Variants in GPC3 observed in about 807,000 individuals in gnomAD.
GPC3 encodes the protein glypican 3, also known as glypican-3.
GPC3 carries 3 observed loss-of-function variants against 34.4 expected under a neutral mutation model. The ratio of observed to expected loss-of-function variants is 0.09; its 90% CI spans 0.04 to 0.23. GPC3 has a LOEUF of 0.23. Among genes scored for constraint, GPC3 ranks in the 10% least tolerant of loss-of-function variants. The pLI, the probability that GPC3 is intolerant of heterozygous loss-of-function variation, is 1.00. For synonymous variants in GPC3, 177 were observed against 174.0 expected (o/e 1.02, Z -0.13); for missense variants, 351 against 445.6 (o/e 0.79, Z 1.91).
chrX:133,676,369 T>A lies in GPC3; in HGVS notation c.1293-14519A>T, dbSNP rs2070884188. Among the ~76,000 whole-genome samples, 3 of 112,475 alleles carry A rather than the reference T, an allele frequency of 2.7e-5. No homozygotes were observed. In the South Asian group the frequency reaches 1.1e-3, roughly 42 times the overall value. ...TGGAAGTGCATGGCCATGGTGGGCA[T>A]GGGCAGAGACACTGGCACAGGGGAA... is the stretch of plus-strand genomic sequence containing the variant. On this transcript the variant is annotated intron_variant, in intron 5 of 7. Transcript: ENST00000370818.
chrX:133,917,376 C>T (rs746878797), intron 2 of GPC3, among the ~76,000 whole-genome samples: 2 of 112,034 alleles, frequency 1.8e-5, no homozygotes, highest in Non-Finnish European at 3.8e-5. Context: ...ATTAGACATA[C>T]TTGATCCCAA....
rs533472747 is a variant in GPC3 at position 133,536,766 on chromosome X, G to T, written c.1574-473C>A. Among the ~76,000 whole-genome samples the T allele has an allele frequency of 2.3e-4, 26 of 111,300 alleles. No homozygotes were observed. In the South Asian group the frequency reaches 0.01, roughly 43 times the overall value. On this transcript the variant is annotated intron_variant, in intron 7 of 7. Coordinates refer to ENST00000370818, the MANE Select transcript of GPC3 (RefSeq NM_004484.4). ...GGGGAGGGGGTGCTGTGGGTTCCCAGTGTACGTTTCTTAGGCCCTGCACCT... is the reference window on the plus strand; with the variant it reads ...GGGGAGGGGGTGCTGTGGGTTCCCATTGTACGTTTCTTAGGCCCTGCACCT...
intron 3 of GPC3, among the ~76,000 whole-genome samples, chrX:133,703,933 C>T (rs2071190401): frequency 8.9e-6 from 1 of 112,191 alleles, no homozygotes; most frequent in African/African-American, 3.2e-5. Flanking sequence ...TGTCTTGGGC[C>T]ACACATAAAA....
intron 1 of GPC3, among the ~76,000 whole-genome samples, chrX:133,965,457 C>T (rs979117279): frequency 9.1e-6 from 1 of 110,479 alleles, no homozygotes; most frequent in South Asian, 4.0e-4. Context: ...AGTAAAAGGC[C>T]ATGTGAGGAT....
intron 2 of GPC3, among the ~76,000 whole-genome samples, chrX:133,944,452 A>G (rs1051921854): frequency 1.8e-5 from 2 of 112,010 alleles, no homozygotes; most frequent in African/African-American, 3.2e-5. Context: ...AATGTAATCC[A>G]GTGGAATCAG....
chrX:133,576,683 A>G (rs986681010), intron 7 of GPC3, among the ~76,000 whole-genome samples: 1 of 111,183 alleles, frequency 9.0e-6, no homozygotes, highest in African/African-American at 3.3e-5. Context: ...ATGAATTTCA[A>G]AGTTATTAGT....
chrX:133,610,052 T>G (rs899398855), intron 6 of GPC3, among the ~76,000 whole-genome samples: 5 of 112,056 alleles, frequency 4.5e-5, no homozygotes, highest in Non-Finnish European at 5.6e-5. Context: ...ACAGCCCTCT[T>G]GTTTTTCCTA....
At chrX:133,587,062 T>C (rs1056704163) in intron 7 of GPC3, among the ~76,000 whole-genome samples, 52 of 111,785 alleles carry the variant, frequency 4.7e-4, no homozygotes, top group African/African-American at 1.6e-3. Context: ...ATTCCTCTTA[T>C]CTAGCTGCAA....
At chrX:133,907,615 A>G (rs2076175065) in intron 2 of GPC3, among the ~76,000 whole-genome samples, 1 of 111,814 alleles carries the variant, frequency 8.9e-6, no homozygotes, top group African/African-American at 3.2e-5. Context: ...TGAAACTACA[A>G]ACTACAAAGC....
chrX:133,674,657 C>A (rs1286504731), intron 5 of GPC3, among the ~76,000 whole-genome samples: 2 of 111,353 alleles, frequency 1.8e-5, no homozygotes, highest in East Asian at 5.7e-4. Flanking sequence ...CCCAGGGCAA[C>A]CCTCCAAAGT....
At chrX:133,547,157 T>C (rs769997972) in intron 7 of GPC3, among the ~76,000 whole-genome samples, 1 of 110,708 alleles carries the variant, frequency 9.0e-6, no homozygotes, top group Non-Finnish European at 1.9e-5. Flanking sequence ...TACCAGAGGC[T>C]GGGAAGGGGA....
intron 3 of GPC3, among the ~76,000 whole-genome samples, chrX:133,731,266 C>A (rs1183039361): frequency 8.9e-6 from 1 of 112,146 alleles, no homozygotes; most frequent in African/African-American, 3.2e-5. Context: ...GGGGCTAATC[C>A]AAAAAAAATT....
chrX:133,633,758 G>A (rs2070389633), intron 6 of GPC3, among the ~76,000 whole-genome samples: 1 of 111,915 alleles, frequency 8.9e-6, no homozygotes, highest in South Asian at 3.7e-4. Context: ...GCAGTTTAAG[G>A]TAACTTTACC....
chrX:133,643,835 T>G (rs1025991549), intron 6 of GPC3, among the ~76,000 whole-genome samples: 106 of 108,694 alleles, frequency 9.8e-4, no homozygotes, highest in Non-Finnish European at 1.8e-3. Flanking sequence ...TTTTATGTTT[T>G]TTTTTTTTTT....
At chrX:133,721,300 A>G (rs918876511) in intron 3 of GPC3, among the ~76,000 whole-genome samples, 9 of 110,154 alleles carry the variant, frequency 8.2e-5, no homozygotes, top group African/African-American at 3.0e-4. Flanking sequence ...AAAGACCCAA[A>G]TCACTAAAAT....
chrX:133,639,686 GA>G (rs1236283188), intron 6 of GPC3, among the ~76,000 whole-genome samples: 84 of 104,884 alleles, frequency 8.0e-4, no homozygotes, highest in East Asian at 5.0e-3. Context: ...CAGTTAATAG[GA>G]AAAAAAAAAA....
chrX:133,583,046 T>C (rs1011433736), intron 7 of GPC3, among the ~76,000 whole-genome samples: 12 of 111,476 alleles, frequency 1.1e-4, no homozygotes, highest in Non-Finnish European at 2.3e-4. Flanking sequence ...CCTGGAAAAG[T>C]CTCTGCCATT....
chrX:133,672,562 A>G (rs985901534), intron 5 of GPC3, among the ~76,000 whole-genome samples: 11 of 112,548 alleles, frequency 9.8e-5, no homozygotes, highest in African/African-American at 2.9e-4. Context: ...TCGTTTACCA[A>G]GTCCTTCTAG....
intron 3 of GPC3, among the ~76,000 whole-genome samples, chrX:133,743,019 T>TACTTCCCA (rs1264525023): frequency 3.6e-5 from 4 of 112,596 alleles, no homozygotes; most frequent in Non-Finnish European, 7.5e-5. Context: ...CTGGATTATG[T>TACTTCCCA]ACTTCCCAAA....
Sources: allele counts gnomAD v4.1 joint callset (sites outside exome capture counted in the v4.1 genomes callset), GRCh38; gene constraint gnomAD v4.1.1; transcripts MANE v1.5; gene names NCBI Gene and HGNC (gene_info 2026-07-23, HGNC 2026-07-21).